Variants in AOPEP observed in about 807,000 individuals in gnomAD.
The protein encoded by AOPEP is aminopeptidase O (putative).
A neutral mutation model predicts 98.1 loss-of-function variants in AOPEP; 77 were observed. The observed-to-expected ratio is 0.78, with a 90% CI of 0.65 to 0.95. AOPEP has a LOEUF of 0.95. Among genes scored for constraint, AOPEP ranks in the 40% least tolerant of loss-of-function variants. The pLI is 0.00. For synonymous variants in AOPEP, 346 were observed against 365.3 expected (o/e 0.95, Z 0.60); for missense variants, 1,024 against 1,024.7 (o/e 1.00, Z 0.01).
chr9:95,079,543 G>T (rs1654565929), intron 14 of AOPEP, among the ~76,000 whole-genome samples: 1 of 152,182 alleles, frequency 6.6e-6, no homozygotes, highest in Non-Finnish European at 1.5e-5. Context: ...AAAAGGCAGG[G>T]GACTGGATTC....
chr9:94,856,641 TAAAAA>T (rs35234682), intron 5 of AOPEP, among the ~76,000 whole-genome samples: 1 of 128,586 alleles, frequency 7.8e-6, no homozygotes, highest in Non-Finnish European at 1.6e-5. Context: ...AACTCCGTCT[TAAAAA>T]AAAAAAAAAA....
chr9:94,845,681 C>CT (rs2134988896), intron 5 of AOPEP, among the ~76,000 whole-genome samples: 1 of 152,090 alleles, frequency 6.6e-6, no homozygotes, highest in East Asian at 1.9e-4. Flanking sequence ...TGGTTTGTGT[C>CT]TAAGATGTGA....
At chr9:95,004,546 C>T (rs1479128816) in intron 11 of AOPEP, among the ~76,000 whole-genome samples, 1 of 152,152 alleles carries the variant, frequency 6.6e-6, no homozygotes, top group Non-Finnish European at 1.5e-5. Flanking sequence ...AGGAAAGTTA[C>T]TTTCCCTGCG....
At chr9:95,061,226 C>G (rs1004330996) in intron 14 of AOPEP, among the ~76,000 whole-genome samples, 9 of 152,188 alleles carry the variant, frequency 5.9e-5, no homozygotes, top group Admixed American at 3.9e-4. Flanking sequence ...AAAACTAAAT[C>G]TAGCAGCTGT....
At chr9:95,009,261 C>T (rs2132832608) in intron 13 of AOPEP, among the ~76,000 whole-genome samples, 1 of 149,012 alleles carries the variant, frequency 6.7e-6, no homozygotes, top group South Asian at 2.2e-4. Flanking sequence ...TGTGTGCCAT[C>T]ACAGATTAAG....
intron 11 of AOPEP, among the ~76,000 whole-genome samples, chr9:94,979,820 A>G (rs1036744489): frequency 1.3e-5 from 2 of 152,142 alleles, no homozygotes; most frequent in African/African-American, 4.8e-5. Flanking sequence ...TGCTCTTTGG[A>G]TGCGGCCCAA....
chr9:94,971,284 G>A (rs75925807), intron 10 of AOPEP, among the ~76,000 whole-genome samples: 11,812 of 152,136 alleles, frequency 0.078, 1,158 homozygotes, highest in African/African-American at 0.23. Context: ...GGTTAGGATC[G>A]TGTTTTGTCT....
chr9:94,847,459 A>T (rs1029118956), intron 5 of AOPEP, among the ~76,000 whole-genome samples: 1 of 152,234 alleles, frequency 6.6e-6, no homozygotes, highest in Admixed American at 6.5e-5. Flanking sequence ...CCTGGGGCAC[A>T]GAGGCTGCTG....
chr9:94,863,522 TC>T (rs1018318213), intron 5 of AOPEP, among the ~76,000 whole-genome samples: 1 of 152,160 alleles, frequency 6.6e-6, no homozygotes, highest in Non-Finnish European at 1.5e-5. Context: ...CCTCAGGTGA[TC>T]CGCCTGCATG....
intron 5 of AOPEP, among the ~76,000 whole-genome samples, chr9:94,842,278 C>G (rs2042359371): frequency 6.6e-6 from 1 of 152,006 alleles, no homozygotes; most frequent in South Asian, 2.1e-4. Flanking sequence ...AGGAGAATTG[C>G]TTGAACCTGG....
chr9:94,801,102 G>A (rs1259485918), intron 5 of AOPEP, 100 bp downstream of exon 5: 1 of 1,352,138 alleles, frequency 7.4e-7, no homozygotes, highest in Admixed American at 1.7e-5. Context: ...CATTTGATTA[G>A]AATGGAGGGG....
intron 13 of AOPEP, among the ~76,000 whole-genome samples, chr9:95,012,921 T>G (rs77414342): frequency 1.5e-5 from 2 of 137,884 alleles, no homozygotes; most frequent in South Asian, 4.6e-4. Flanking sequence ...ATTTATTTTG[T>G]TTTTTTTTTT....
intron 6 of AOPEP, among the ~76,000 whole-genome samples, chr9:94,926,899 C>T (rs943623090): frequency 2.6e-5 from 4 of 152,194 alleles, no homozygotes; most frequent in Admixed American, 6.5e-5. Context: ...TCAAGTCAGT[C>T]GCAAGGTTGG....
chr9:94,817,223 G>T (rs6479571), intron 5 of AOPEP, among the ~76,000 whole-genome samples: 130,602 of 152,060 alleles, frequency 0.86, 56,232 homozygotes, highest in Non-Finnish European at 0.89. Context: ...CAGGCTGGTC[G>T]CGAACTCCTG....
At chr9:94,823,942 T>C (rs946904386) in intron 5 of AOPEP, among the ~76,000 whole-genome samples, 15 of 152,184 alleles carry the variant, frequency 9.9e-5, no homozygotes, top group Non-Finnish European at 2.2e-4. Context: ...CCCAGCTTAC[T>C]ATGCAGTCCC....
chr9:95,054,586 A>G (rs1260943393), intron 13 of AOPEP, among the ~76,000 whole-genome samples: 4 of 152,234 alleles, frequency 2.6e-5, no homozygotes, highest in South Asian at 2.1e-4. Flanking sequence ...TATTTCAGAT[A>G]GTATTTGCGA....
intron 5 of AOPEP, among the ~76,000 whole-genome samples, chr9:94,923,189 CCTT>C (rs1248837050): frequency 6.6e-6 from 1 of 152,134 alleles, no homozygotes; most frequent in Non-Finnish European, 1.5e-5. Context: ...CGTCAGCTCC[CCTT>C]CTTCCCATTC....
intron 9 of AOPEP, among the ~76,000 whole-genome samples, chr9:94,962,744 T>TG (rs1161758046): frequency 2.0e-5 from 3 of 149,444 alleles, no homozygotes; most frequent in African/African-American, 7.5e-5. Context: ...TTTTTTTTTT[T>TG]TTTTTTGAGA....
At chr9:94,877,427 CT>C (rs11299818) in intron 5 of AOPEP, among the ~76,000 whole-genome samples, 98,335 of 124,758 alleles carry the variant, frequency 0.79, 39,207 homozygotes, top group East Asian at 0.9. Context: ...TTTTTCTTTT[CT>C]TTTTTTTTTT....
Sources: allele counts gnomAD v4.1 joint callset (sites outside exome capture counted in the v4.1 genomes callset), GRCh38; gene constraint gnomAD v4.1.1; transcripts MANE v1.5; gene names NCBI Gene and HGNC (gene_info 2026-07-23, HGNC 2026-07-21).